SMPD4: variants seen among roughly 807,000 people sequenced by gnomAD.
SMPD4 encodes sphingomyelin phosphodiesterase 4.
SMPD4 carries 58 observed loss-of-function variants against 97.8 expected under a neutral mutation model. The observed-to-expected ratio is 0.59, with a 90% CI of 0.48 to 0.74. SMPD4 has a LOEUF of 0.74. SMPD4 is among the 30% of genes least tolerant of loss of function. SMPD4 has a pLI of 0.00. For missense variants in SMPD4, 853 were observed against 1,080.5 expected, an observed-to-expected ratio of 0.79 and a Z score of 2.95; for synonymous variants, 388 against 450.0, an observed-to-expected ratio of 0.86 and a Z score of 1.74.
At chr2:130,156,338 G>T (rs938745026) in intron 13 of SMPD4, 22 of 660,462 alleles carry the variant, frequency 3.3e-5, no homozygotes, top group African/African-American at 1.6e-4. Context: ...AGCCCAGGGG[G>T]CAGAGTACTC....
Position 130,176,622 on chromosome 2 carries a change from C to G in SMPD4, c.-30G>C, listed in dbSNP as rs1381457859. The G allele has an allele frequency of 6.2e-7, 1 of 1,612,814 alleles. No homozygotes were observed. Among genetic ancestry groups the G allele is most frequent in the Non-Finnish European group, 8.5e-7 (1 of 1,179,500 alleles). On this transcript the variant is annotated 5_prime_UTR_variant, in exon 2 of 20. Coordinates refer to ENST00000680298, the MANE Select transcript of SMPD4 (RefSeq NM_017951.5). Reference sequence around the variant, plus strand: ...GCCTCCAGTGGAGAGTTGAAAATGGCCTTCTTAGCAAACCACTGTGGAAAA... The same window carrying G: ...GCCTCCAGTGGAGAGTTGAAAATGGGCTTCTTAGCAAACCACTGTGGAAAA...
chr2:130,155,257 G>A lies in SMPD4; in HGVS notation c.1292C>T (p.Ala431Val), dbSNP rs367703040. The A allele has an allele frequency of 4.3e-5, 70 of 1,614,048 alleles. No individual in the cohort carries two copies. Among genetic ancestry groups the A allele is most frequent in the East Asian group, 6.7e-5 (3 of 44,878 alleles). ...SQPRCVSEKW[A>V]PFVQENLLMY... ...CAGCAGGTTCTCCTGGACAAAGGGT[G>A]CCCTGGGGACCGAGGTGGCAGGTTG... The change falls in exon 15 of 20, where the codon GCA becomes GTA. Residue 431 changes from alanine to valine, a missense_variant and splice_region_variant. Around this residue, in one of 3 missense-constraint regions of SMPD4, gnomAD observed 511 missense variants for 608.1 expected, o/e 0.84. Coordinates refer to ENST00000680298, the MANE Select transcript of SMPD4 (RefSeq NM_017951.5).
At chr2:130,155,000 T>A (rs538356085) in intron 15 of SMPD4, 96 bp downstream of exon 15, 1 of 1,489,846 alleles carries the variant, frequency 6.7e-7, no homozygotes, top group Non-Finnish European at 9.0e-7. Context: ...TCTGGGCGTG[T>A]GGGTCCCTCT....
At position 130,152,395 on chromosome 2, in the gene SMPD4, G is replaced by A; in HGVS notation, c.*160C>T. ...GGGGCCCACCTGCCTTCCTTTCTTG[G>A]TTGCGTTTCCTCCAGATGCCTCTGC... On this transcript the variant is annotated 3_prime_UTR_variant, in exon 20 of 20. Transcript: ENST00000680298. The A allele has an allele frequency of 1.0e-5, 8 of 794,510 alleles. No individual in the cohort carries two copies. The South Asian group carries it at 1.5e-4, about 15-fold the overall frequency. The allele number at this position is 794,510 out of a possible 1,614,324, so 49.2% of individuals were successfully genotyped here.
intron 11 of SMPD4, chr2:130,158,341 A>G (rs1222565955): frequency 6.8e-6 from 6 of 883,244 alleles, no homozygotes; most frequent in South Asian, 3.3e-5. Flanking sequence ...TTCTTGAGAC[A>G]ACGTCTCCCT....
Position 130,164,462 on chromosome 2 carries a change from G to A in SMPD4, c.793-17C>T. Reference sequence around the variant, plus strand: ...AACAAAAACCTGCAAAAAAGCATTAGCTAGTCAAACCATTCTTGACAATGG... The same window carrying A: ...AACAAAAACCTGCAAAAAAGCATTAACTAGTCAAACCATTCTTGACAATGG... On this transcript the variant is annotated splice_polypyrimidine_tract_variant and intron_variant, in intron 9 of 19. Coordinates refer to ENST00000680298, the MANE Select transcript of SMPD4 (RefSeq NM_017951.5). The A allele has an allele frequency of 6.2e-7, 1 of 1,611,730 alleles. No individual in the cohort carries two copies.
intron 1 of SMPD4, among the ~76,000 whole-genome samples, chr2:130,179,420 CTCTTTTT>C (rs1236680703): frequency 1.3e-5 from 2 of 152,010 alleles, no homozygotes; most frequent in Non-Finnish European, 2.9e-5. Context: ...CGCGCCCAGC[CTCTTTTT>C]TCTTTTTTTG....
chr2:130,171,254 A>C (rs1290663857), intron 8 of SMPD4, among the ~76,000 whole-genome samples: 2 of 150,796 alleles, frequency 1.3e-5, no homozygotes, highest in Non-Finnish European at 2.9e-5. Context: ...ACAGGTGTGC[A>C]CCACCATGCC....
chr2:130,175,725 G>GA (rs1291274740), intron 2 of SMPD4, among the ~76,000 whole-genome samples: 1 of 152,192 alleles, frequency 6.6e-6, no homozygotes, highest in African/African-American at 2.4e-5. Flanking sequence ...AAGATCAGGA[G>GA]AAACGGCTAG....
At chr2:130,154,044 T>G (rs1686504496) in intron 16 of SMPD4, 109 bp from the exon 17 acceptor site, 1 of 1,196,122 alleles carries the variant, frequency 8.4e-7, no homozygotes, top group Non-Finnish European at 1.2e-6. Flanking sequence ...AGGAGTGGCT[T>G]CTGCCAGAAG....
In SMPD4 at chr2:130,153,023, C is replaced by A. The variant is rs374659255; in HGVS notation, c.2154+20G>T. ...AGAACCCTCTCTGAAGACGCCAGGC[C>A]AGCCCTCCTGCCCACTCACTCTGTG... On this transcript the variant is annotated intron_variant, in intron 19 of 19. Coordinates refer to ENST00000680298, the MANE Select transcript of SMPD4 (RefSeq NM_017951.5). 3 of 1,604,506 alleles carry A rather than the reference C, an allele frequency of 1.9e-6. No homozygotes were observed. Among genetic ancestry groups the A allele is most frequent in the Non-Finnish European group, 2.6e-6 (3 of 1,176,368 alleles).
rs935150115 is a variant in SMPD4 at position 130,181,508 on chromosome 2, G to A, written c.-46+22C>T. 3.8e-6 allele frequency: 6 copies of A among 1,593,278 alleles called. No individual in the cohort carries two copies. The African/African-American group carries it at 8.0e-5, about 21-fold the overall frequency. On this transcript the variant is annotated intron_variant, in intron 1 of 19. Coordinates refer to ENST00000680298, the MANE Select transcript of SMPD4 (RefSeq NM_017951.5). ...CCCCCAGGGCGCCGGACCGTCTCAG[G>A]CGCGCATCCCGCGCCACTCACCTGT...
chr2:130,163,875 G>A (rs1687668519), intron 10 of SMPD4, among the ~76,000 whole-genome samples: 1 of 152,224 alleles, frequency 6.6e-6, no homozygotes, highest in South Asian at 2.1e-4. Flanking sequence ...TGCATGCAGG[G>A]GGGCACCAGG....
intron 10 of SMPD4, among the ~76,000 whole-genome samples, chr2:130,163,868 A>G (rs1687667302): frequency 6.6e-6 from 1 of 152,228 alleles, no homozygotes; most frequent in African/African-American, 2.4e-5. Context: ...GCCAGGCTGC[A>G]TGCAGGGGGG....
chr2:130,157,533 G>C (rs916224020), intron 11 of SMPD4, 137 bp from the exon 12 acceptor site: 88 of 1,491,314 alleles, frequency 5.9e-5, no homozygotes, highest in Non-Finnish European at 6.7e-5. Context: ...GCCAGGAGTG[G>C]GGCCACCCCA....
chr2:130,164,009 C>A (rs574821362), intron 10 of SMPD4, among the ~76,000 whole-genome samples: 1 of 152,082 alleles, frequency 6.6e-6, no homozygotes, highest in Non-Finnish European at 1.5e-5. Flanking sequence ...TGCTGATGGT[C>A]GAGGAGACAG....
Position 130,173,676 on chromosome 2 carries a change from A to G in SMPD4, c.127-20T>C. 3 of 1,613,648 alleles carry G rather than the reference A, an allele frequency of 1.9e-6. No individual in the cohort carries two copies. The highest frequency in any genetic ancestry group is 2.5e-6 in the Non-Finnish European group (3 of 1,179,790). On this transcript the variant is annotated intron_variant, in intron 3 of 19. Coordinates refer to ENST00000680298, the MANE Select transcript of SMPD4 (RefSeq NM_017951.5). The stretch of plus-strand genomic sequence containing the variant: ...CAGCTCCTGAAACAATGTGTGGTGA[A>G]GCCGCGTGCAGGACCAGCACCCACT...
Position 130,153,418 on chromosome 2 carries a change from G to A in SMPD4, c.1926C>T (p.Leu642=), listed in dbSNP as rs145740662. The change falls in exon 18 of 20, where the codon CTC becomes CTT. Residue 642 remains leucine, a synonymous_variant. Coordinates refer to ENST00000680298, the MANE Select transcript of SMPD4 (RefSeq NM_017951.5). ...LSEAQLRQFT[L]ALGTTQDENG... ...TCTCATCCTGGGTGGTGCCCAAGGC[G>A]AGTGTGAACTGCCTGAGCTGCGCTT... The A allele has an allele frequency of 7.7e-5, 125 of 1,613,894 alleles. 1 individual carries two copies. In the Middle Eastern group the frequency reaches 8.2e-4, roughly 11 times the overall value.
intron 17 of SMPD4, 35 bp downstream of exon 17, chr2:130,153,667 C>A: frequency 1.9e-6 from 3 of 1,606,486 alleles, no homozygotes; most frequent in Non-Finnish European, 2.6e-6. Flanking sequence ...GGAAGGGGAC[C>A]CTGATGGCGG....
Sources: allele counts gnomAD v4.1 joint callset (sites outside exome capture counted in the v4.1 genomes callset), GRCh38; gene constraint gnomAD v4.1.1; regional missense constraint gnomAD v4.1.1; transcripts MANE v1.5; gene names NCBI Gene and HGNC (gene_info 2026-07-23, HGNC 2026-07-21).